ST6GALNAC3: variants seen among roughly 807,000 people sequenced by gnomAD.
ST6GALNAC3 encodes alpha-N-acetylgalactosaminide alpha-2,6-sialyltransferase 3.
In ST6GALNAC3, 25 loss-of-function variants were observed where a neutral mutation model predicts 32.7. The ratio of observed to expected loss-of-function variants is 0.76; its 90% confidence interval spans 0.56 to 1.07. The LOEUF (loss-of-function observed/expected upper bound fraction) is 1.07, where lower values mean the gene tolerates loss of function less well. Among genes scored for constraint, ST6GALNAC3 ranks in the 50% least tolerant of loss-of-function variants. ST6GALNAC3 has a pLI of 0.00. For missense variants in ST6GALNAC3, 355 were observed against 382.4 expected (o/e 0.93, Z 0.60); for synonymous variants, 129 against 133.1 (o/e 0.97, Z 0.21).
chr1:76,622,502 A>C (rs1570471853), intron 3 of ST6GALNAC3, among the ~76,000 whole-genome samples: 1 of 152,044 alleles, frequency 6.6e-6, no homozygotes, highest in East Asian at 1.9e-4. Context: ...CCCTCAGAGC[A>C]ATCACCCTAA....
intron 3 of ST6GALNAC3, among the ~76,000 whole-genome samples, chr1:76,540,642 G>GT (rs1553136452): frequency 4.6e-5 from 7 of 152,008 alleles, no homozygotes; most frequent in Non-Finnish European, 8.8e-5. Flanking sequence ...TGAAGCTGCC[G>GT]TTTTTTCTTA....
chr1:76,373,232 G>A (rs184865899), intron 2 of ST6GALNAC3, among the ~76,000 whole-genome samples: 3 of 152,240 alleles, frequency 2.0e-5, no homozygotes, highest in Non-Finnish European at 4.4e-5. Context: ...CAGCAAACTC[G>A]GGTTCAAATT....
intron 1 of ST6GALNAC3, among the ~76,000 whole-genome samples, chr1:76,133,900 C>T (rs1649772754): frequency 6.6e-6 from 1 of 152,198 alleles, no homozygotes. Context: ...ATGAGCCCCT[C>T]CCGATAACCA....
chr1:76,559,788 G>C (rs1015799983), intron 3 of ST6GALNAC3, among the ~76,000 whole-genome samples: 7 of 152,122 alleles, frequency 4.6e-5, no homozygotes, highest in African/African-American at 1.7e-4. Context: ...GCCTTGAATT[G>C]CTGATGCCGC....
intron 2 of ST6GALNAC3, among the ~76,000 whole-genome samples, chr1:76,348,140 A>C (rs1244160687): frequency 6.6e-6 from 1 of 152,192 alleles, no homozygotes; most frequent in Non-Finnish European, 1.5e-5. Context: ...CCTACAAATT[A>C]AAATAGCCTA....
chr1:76,318,377 G>A (rs1025783245), intron 2 of ST6GALNAC3, among the ~76,000 whole-genome samples: 17 of 152,210 alleles, frequency 1.1e-4, no homozygotes, highest in African/African-American at 4.1e-4. Flanking sequence ...TTTCTATGGG[G>A]GAGGGGAAGT....
chr1:76,215,755 C>T (rs770250445), intron 1 of ST6GALNAC3, among the ~76,000 whole-genome samples: 5 of 152,064 alleles, frequency 3.3e-5, no homozygotes, highest in African/African-American at 1.2e-4. Flanking sequence ...AAGAGGTAAC[C>T]GCCTTGAACA....
At chr1:76,329,330 A>C (rs1455652990) in intron 2 of ST6GALNAC3, among the ~76,000 whole-genome samples, 1 of 152,174 alleles carries the variant, frequency 6.6e-6, no homozygotes, top group Non-Finnish European at 1.5e-5. Context: ...TCCTGCCCCC[A>C]TAACCATTTT....
chr1:76,128,354 A>C (rs1197963270), intron 1 of ST6GALNAC3, among the ~76,000 whole-genome samples: 2 of 152,212 alleles, frequency 1.3e-5, no homozygotes, highest in East Asian at 3.9e-4. Context: ...AGGGGAGCAG[A>C]TATACAAGTG....
intron 3 of ST6GALNAC3, among the ~76,000 whole-genome samples, chr1:76,477,999 C>A (rs1316522465): frequency 6.6e-6 from 1 of 152,134 alleles, no homozygotes; most frequent in Non-Finnish European, 1.5e-5. Flanking sequence ...TAATCCATGT[C>A]AAGGTCCTCT....
At chr1:76,525,771 T>TTG (rs1167452856) in intron 3 of ST6GALNAC3, among the ~76,000 whole-genome samples, 1,612 of 92,548 alleles carry the variant, frequency 0.017, 76 homozygotes, top group East Asian at 0.029. Context: ...GTATGTGTGT[T>TTG]TGTGTGTGTG....
At chr1:76,606,826 TAAC>T (rs1178274014) in intron 3 of ST6GALNAC3, among the ~76,000 whole-genome samples, 1 of 149,184 alleles carries the variant, frequency 6.7e-6, no homozygotes, top group Non-Finnish European at 1.5e-5. Flanking sequence ...TCTCTATACT[TAAC>T]AACAATTCTG....
At chr1:76,320,480 TTCTC>T (rs1347948426) in intron 2 of ST6GALNAC3, among the ~76,000 whole-genome samples, 1 of 152,056 alleles carries the variant, frequency 6.6e-6, no homozygotes, top group Non-Finnish European at 1.5e-5. Flanking sequence ...CTAATAATGC[TTCTC>T]TCTGTGTACC....
chr1:76,136,520 G>GA (rs5775326), intron 1 of ST6GALNAC3, among the ~76,000 whole-genome samples: 28,436 of 149,522 alleles, frequency 0.19, 2,808 homozygotes, highest in African/African-American at 0.25. Context: ...TTTCACAGGA[G>GA]AAAAAAAAAA....
intron 3 of ST6GALNAC3, among the ~76,000 whole-genome samples, chr1:76,569,676 C>T (rs111275655): frequency 0.013 from 1,935 of 152,078 alleles, 38 homozygotes; most frequent in African/African-American, 0.043. Flanking sequence ...GACAGCATTT[C>T]GGGAATTTCT....
At chr1:76,464,591 G>A (rs1185045884) in intron 3 of ST6GALNAC3, among the ~76,000 whole-genome samples, 1 of 152,184 alleles carries the variant, frequency 6.6e-6, no homozygotes, top group Non-Finnish European at 1.5e-5. Flanking sequence ...TCTGTTCTCA[G>A]AAAAGAATTA....
chr1:76,443,176 A>G (rs911847231), intron 3 of ST6GALNAC3, among the ~76,000 whole-genome samples: 5 of 152,056 alleles, frequency 3.3e-5, no homozygotes, highest in African/African-American at 9.7e-5. Flanking sequence ...TTTTTTAAAG[A>G]CAGGGTCTCA....
At chr1:76,279,497 G>A (rs940200453) in intron 1 of ST6GALNAC3, among the ~76,000 whole-genome samples, 1 of 152,230 alleles carries the variant, frequency 6.6e-6, no homozygotes, top group Non-Finnish European at 1.5e-5. Context: ...TCGCGGGTGG[G>A]GGGAATGTTG....
intron 3 of ST6GALNAC3, among the ~76,000 whole-genome samples, chr1:76,463,243 C>T (rs187624922): frequency 1.3e-5 from 2 of 152,230 alleles, no homozygotes; most frequent in Admixed American, 1.3e-4. Context: ...TCCAAATGTT[C>T]ACCTAAAAGT....
Sources: gnomAD v4.1 joint callset for allele counts (sites outside exome capture counted in the v4.1 genomes callset) on GRCh38, gnomAD v4.1.1 for gene constraint, MANE v1.5 for transcripts, NCBI Gene and HGNC (gene_info 2026-07-23, HGNC 2026-07-21) for gene names.